Variants in LIN7A observed in about 807,000 individuals in gnomAD.
LIN7A encodes protein lin-7 homolog A.
Under a neutral mutation model 29.8 loss-of-function variants are expected in LIN7A, and 25 were observed. That is an observed-to-expected ratio of 0.84 (90% CI 0.61 to 1.17). LIN7A has a LOEUF of 1.17. LIN7A is among the 50% of genes most tolerant of loss of function. LIN7A has a pLI of 0.00. For synonymous variants in LIN7A, 118 were observed against 107.5 expected (o/e 1.10, Z -0.60); for missense variants, 239 against 287.0 (o/e 0.83, Z 1.21).
chr12:80,924,230 G>A (rs1302161532), intron 1 of LIN7A, among the ~76,000 whole-genome samples: 1 of 152,154 alleles, frequency 6.6e-6, no homozygotes, highest in African/African-American at 2.4e-5. Context: ...TGCAAACTGG[G>A]TGTCATAATT....
At chr12:80,861,984 A>C (rs1209979755) in intron 2 of LIN7A, among the ~76,000 whole-genome samples, 2 of 152,232 alleles carry the variant, frequency 1.3e-5, no homozygotes, top group African/African-American at 4.8e-5. Flanking sequence ...ATTTTAAAGG[A>C]GCCATCATCA....
chr12:80,844,575 T>G (rs959490492), intron 4 of LIN7A, among the ~76,000 whole-genome samples: 2 of 152,182 alleles, frequency 1.3e-5, no homozygotes, highest in African/African-American at 4.8e-5. Context: ...ATTAAAATCC[T>G]TAAGTTCTTA....
At chr12:80,851,135 A>G (rs1873311315) in intron 2 of LIN7A, among the ~76,000 whole-genome samples, 1 of 152,156 alleles carries the variant, frequency 6.6e-6, no homozygotes, top group African/African-American at 2.4e-5. Flanking sequence ...ATCAGTGTGA[A>G]CAAAAACTTG....
chr12:80,859,239 G>A (rs909665578), intron 2 of LIN7A, among the ~76,000 whole-genome samples: 3 of 152,148 alleles, frequency 2.0e-5, no homozygotes, highest in African/African-American at 7.2e-5. Flanking sequence ...ACAACAGTGA[G>A]TATAATTAGG....
chr12:80,875,784 T>C (rs1874654244), intron 2 of LIN7A, among the ~76,000 whole-genome samples: 1 of 152,212 alleles, frequency 6.6e-6, no homozygotes, highest in African/African-American at 2.4e-5. Context: ...CTGTTATGAT[T>C]ATAATAGACA....
intron 4 of LIN7A, among the ~76,000 whole-genome samples, chr12:80,815,678 CTT>C (rs1340682420): frequency 1.3e-5 from 2 of 152,180 alleles, no homozygotes; most frequent in African/African-American, 4.8e-5. Flanking sequence ...TCTTATATGA[CTT>C]TAAGAGCTCT....
chr12:80,931,360 G>A (rs945432997), intron 1 of LIN7A, among the ~76,000 whole-genome samples: 18 of 152,278 alleles, frequency 1.2e-4, no homozygotes, highest in Middle Eastern at 3.4e-3. Context: ...TAAAAAACAG[G>A]CTGGGTGCAG....
At chr12:80,869,093 G>A (rs1390053651) in intron 2 of LIN7A, among the ~76,000 whole-genome samples, 1 of 151,690 alleles carries the variant, frequency 6.6e-6, no homozygotes, top group African/African-American at 2.4e-5. Flanking sequence ...GCTAGGTGGA[G>A]AAAGGGCATT....
At chr12:80,869,409 TG>T (rs1480836972) in intron 2 of LIN7A, among the ~76,000 whole-genome samples, 1 of 152,116 alleles carries the variant, frequency 6.6e-6, no homozygotes, top group Non-Finnish European at 1.5e-5. Flanking sequence ...CAGCTCAAAC[TG>T]CCTGGTTGGA....
intron 1 of LIN7A, among the ~76,000 whole-genome samples, chr12:80,895,028 G>T (rs915111817): frequency 2.0e-5 from 3 of 152,118 alleles, no homozygotes; most frequent in Non-Finnish European, 2.9e-5. Flanking sequence ...ACAGAAAAGG[G>T]ATTCAAAATA....
chr12:80,836,203 A>G (rs888966655), intron 4 of LIN7A, among the ~76,000 whole-genome samples: 1 of 152,154 alleles, frequency 6.6e-6, no homozygotes, highest in Admixed American at 6.5e-5. Context: ...TTATCCCACT[A>G]TGTATACTTT....
At chr12:80,798,157 G>A (rs1191819108) in intron 5 of LIN7A, among the ~76,000 whole-genome samples, 1 of 152,106 alleles carries the variant, frequency 6.6e-6, no homozygotes, top group African/African-American at 2.4e-5. Context: ...CTTCTCTGAC[G>A]TGGACATTAA....
intron 2 of LIN7A, among the ~76,000 whole-genome samples, chr12:80,872,488 G>T (rs1266912829): frequency 6.6e-6 from 1 of 152,078 alleles, no homozygotes; most frequent in Non-Finnish European, 1.5e-5. Flanking sequence ...ATAAATTACT[G>T]CCCTCTCATG....
At position 80,794,953 on chromosome 12, in the gene LIN7A, A is replaced by G. The variant is rs1870378134; in HGVS notation, c.*2774T>C. The stretch of plus-strand genomic sequence containing the variant: ...AGCAGGAAAAAGTTTAGAAAAATCT[A>G]TCCCACCGGCCACTGACCTAAAAAA... On this transcript the variant is annotated 3_prime_UTR_variant, in exon 6 of 6. Coordinates refer to ENST00000552864, the MANE Select transcript of LIN7A (RefSeq NM_004664.4). 6.6e-6 allele frequency: 1 copy of G among 152,108 alleles called. No homozygotes were observed. Among genetic ancestry groups the G allele is most frequent in the Non-Finnish European group, 1.5e-5 (1 of 67,994 alleles). 9.4% of individuals were successfully genotyped at this position (152,108 alleles called of 1,614,324 possible).
intron 2 of LIN7A, among the ~76,000 whole-genome samples, chr12:80,873,748 G>A (rs946561474): frequency 6.6e-6 from 1 of 151,906 alleles, no homozygotes; most frequent in Non-Finnish European, 1.5e-5. Context: ...GAAGACGTAT[G>A]TTACTGGGGG....
chr12:80,878,951 C>T (rs764812543), intron 2 of LIN7A, among the ~76,000 whole-genome samples: 3 of 152,166 alleles, frequency 2.0e-5, no homozygotes, highest in Admixed American at 6.5e-5. Flanking sequence ...AGTCCCCACA[C>T]GATCCAAAAG....
At chr12:80,857,149 G>T (rs1194001143) in intron 2 of LIN7A, among the ~76,000 whole-genome samples, 1 of 152,182 alleles carries the variant, frequency 6.6e-6, no homozygotes. Flanking sequence ...GGGGGTACCT[G>T]CTTGGAGCCG....
intron 1 of LIN7A, among the ~76,000 whole-genome samples, chr12:80,900,250 C>T (rs1876142511): frequency 6.6e-6 from 1 of 152,026 alleles, no homozygotes; most frequent in Admixed American, 6.6e-5. Flanking sequence ...GTTTTTCATG[C>T]CTGAATTTCC....
At chr12:80,832,371 T>C (rs1181850253) in intron 4 of LIN7A, among the ~76,000 whole-genome samples, 1 of 152,176 alleles carries the variant, frequency 6.6e-6, no homozygotes, top group Non-Finnish European at 1.5e-5. Flanking sequence ...ATTCTTACAA[T>C]AACGTTTGCC....
Sources: gnomAD v4.1 joint callset for allele counts (sites outside exome capture counted in the v4.1 genomes callset) on GRCh38, gnomAD v4.1.1 for gene constraint, MANE v1.5 for transcripts, NCBI Gene and HGNC (gene_info 2026-07-23, HGNC 2026-07-21) for gene names.